Variants in FLVCR2 observed in about 807,000 individuals in gnomAD.
FLVCR2 encodes the protein choline/ethanolamine transporter FLVCR2.
A neutral mutation model predicts 48.9 loss-of-function variants in FLVCR2; 38 were observed. That is an observed-to-expected ratio of 0.78 (90% CI 0.60 to 1.02). The LOEUF (loss-of-function observed/expected upper bound fraction) is 1.02. Ranked by LOEUF, FLVCR2 falls within the 50% of genes least tolerant of loss-of-function variation. The pLI is 0.00. For synonymous variants in FLVCR2, 255 were observed against 257.0 expected, an observed-to-expected ratio of 0.99 and a Z score of 0.07; for missense variants, 664 against 663.3, an observed-to-expected ratio of 1.00 and a Z score of -0.01.
intron 1 of FLVCR2, among the ~76,000 whole-genome samples, chr14:75,612,426 C>T (rs1168410979): frequency 6.6e-6 from 1 of 152,182 alleles, no homozygotes; most frequent in Non-Finnish European, 1.5e-5. Context: ...ACCCTACTCC[C>T]TAAGTTCTTA....
rs1038388493 is a variant in FLVCR2, at chr14:75,613,802, T to C, written c.670-8277T>C. Among the ~76,000 whole-genome samples, 58 of 152,236 alleles carry C rather than the reference T, an allele frequency of 3.8e-4. 1 individual carries two copies. Among genetic ancestry groups the C allele is most frequent in the Middle Eastern group, 3.4e-3 (1 of 294 alleles). ...CTGACCTCAAATGATCCACCCACCTTGGCCTCCCAAAGTGCTGGGATTATA... is the reference window on the plus strand; with the variant it reads ...CTGACCTCAAATGATCCACCCACCTCGGCCTCCCAAAGTGCTGGGATTATA... On this transcript the variant is annotated intron_variant, in intron 1 of 9. Coordinates refer to ENST00000238667, the MANE Select transcript of FLVCR2 (RefSeq NM_017791.3).
chr14:75,641,390 G>A, intron 8 of FLVCR2, 97 bp downstream of exon 8: 1 of 794,196 alleles, frequency 1.3e-6, no homozygotes, highest in Admixed American at 1.9e-5. Flanking sequence ...TACGTAGGGG[G>A]ACAGATGGAA....
At chr14:75,628,537 G>C (rs761178149) in intron 3 of FLVCR2, among the ~76,000 whole-genome samples, 7 of 152,174 alleles carry the variant, frequency 4.6e-5, no homozygotes, top group African/African-American at 7.2e-5. Flanking sequence ...TTCATATTTA[G>C]CTCTGAATTA....
At position 75,609,557 on chromosome 14, in the gene FLVCR2, T is replaced by C. The variant is rs1889384847; in HGVS notation, c.670-12522T>C. On this transcript the variant is annotated intron_variant, in intron 1 of 9. Coordinates refer to ENST00000238667, the MANE Select transcript of FLVCR2 (RefSeq NM_017791.3). The stretch of plus-strand genomic sequence containing the variant: ...TTAGTTAACTTATGAAGTTGGCTTC[T>C]TAGGAAAAAGCTACATGGGTCCCAT... Among the ~76,000 whole-genome samples, 3 of 152,218 alleles carry C rather than the reference T, an allele frequency of 2.0e-5. No homozygotes were observed. The South Asian group carries it at 6.2e-4, about 32-fold the overall frequency.
intron 6 of FLVCR2, 168 bp from the exon 7 acceptor site, chr14:75,640,787 G>A (rs1013004291): frequency 1.3e-5 from 9 of 667,810 alleles, no homozygotes; most frequent in South Asian, 4.8e-5. Flanking sequence ...AGGGGTGCCC[G>A]TCTCCTTGGT....
At chr14:75,634,763 C>T in intron 4 of FLVCR2, 147 bp from the exon 5 acceptor site, 2 of 648,166 alleles carry the variant, frequency 3.1e-6, no homozygotes, top group Non-Finnish European at 2.8e-6. Context: ...GAATTTTCTC[C>T]TAGGCCATCT....
chr14:75,590,299 C>G (rs2140008235), intron 1 of FLVCR2, among the ~76,000 whole-genome samples: 1 of 152,360 alleles, frequency 6.6e-6, no homozygotes, highest in Middle Eastern at 3.4e-3. Flanking sequence ...GACCCAAACA[C>G]TTCCTACCAG....
chr14:75,619,079 C>G (rs1229492707), intron 1 of FLVCR2, among the ~76,000 whole-genome samples: 1 of 151,874 alleles, frequency 6.6e-6, no homozygotes, highest in Non-Finnish European at 1.5e-5. Flanking sequence ...CAAAAATTAG[C>G]CAGGCATGTT....
intron 1 of FLVCR2, among the ~76,000 whole-genome samples, chr14:75,614,664 A>G (rs569364017): frequency 9.1e-4 from 138 of 152,338 alleles, no homozygotes; most frequent in Non-Finnish European, 1.8e-3. Flanking sequence ...TAGCAAAGAC[A>G]GCTGTATTAG....
At chr14:75,605,315 C>T (rs1208967851) in intron 1 of FLVCR2, 1 of 560,314 alleles carries the variant, frequency 1.8e-6, no homozygotes, top group East Asian at 3.4e-5. Flanking sequence ...TCTTGACCTC[C>T]TGACTTCTTT....
In FLVCR2 at chr14:75,641,834, C is replaced by T; in HGVS notation, c.1454-9C>T. 6.2e-7 allele frequency: 1 copy of T among 1,612,972 alleles called. No individual in the cohort carries two copies. Among genetic ancestry groups the T allele is most frequent in the Non-Finnish European group, 8.5e-7 (1 of 1,178,924 alleles). On this transcript the variant is annotated splice_polypyrimidine_tract_variant and intron_variant, in intron 8 of 9. Transcript: ENST00000238667. ...TTGTCTCTCTTCCTTCTCAATCTAT[C>T]AACCTTAGCATTCATTAAGGCAGAT...
intron 1 of FLVCR2, among the ~76,000 whole-genome samples, chr14:75,619,484 T>TG (rs1889707799): frequency 8.1e-6 from 1 of 122,752 alleles, no homozygotes; most frequent in African/African-American, 3.3e-5. Context: ...TGCTCATCCA[T>TG]CCATCCATCC....
At chr14:75,594,015 C>G (rs951799804) in intron 1 of FLVCR2, among the ~76,000 whole-genome samples, 2 of 152,164 alleles carry the variant, frequency 1.3e-5, no homozygotes, top group African/African-American at 2.4e-5. Context: ...CAATATTTTG[C>G]TTAGAAATTT....
At chr14:75,634,579 G>A (rs1356012610) in intron 4 of FLVCR2, among the ~76,000 whole-genome samples, 2 of 152,158 alleles carry the variant, frequency 1.3e-5, no homozygotes, top group African/African-American at 4.8e-5. Flanking sequence ...TTCCCCATCT[G>A]TGAAATGGAA....
At chr14:75,590,180 A>C (rs971577733) in intron 1 of FLVCR2, among the ~76,000 whole-genome samples, 1 of 151,912 alleles carries the variant, frequency 6.6e-6, no homozygotes, top group Admixed American at 6.6e-5. Flanking sequence ...ATAACAACCC[A>C]CTCTCTTAGG....
chr14:75,591,893 A>G (rs1888892538), intron 1 of FLVCR2, among the ~76,000 whole-genome samples: 1 of 139,036 alleles, frequency 7.2e-6, no homozygotes, highest in East Asian at 2.1e-4. Context: ...AGCTCACTGT[A>G]CCTTGACCTC....
At chr14:75,641,132 T>C (rs1025547233) in intron 7 of FLVCR2, 50 bp from the exon 8 acceptor site, 1 of 1,547,200 alleles carries the variant, frequency 6.5e-7, no homozygotes, top group Non-Finnish European at 8.9e-7. Context: ...TTCTTCCTCA[T>C]GAGTTAGTTG....
intron 1 of FLVCR2, among the ~76,000 whole-genome samples, chr14:75,601,919 T>C (rs1192263615): frequency 6.6e-6 from 1 of 152,228 alleles, no homozygotes; most frequent in Non-Finnish European, 1.5e-5. Flanking sequence ...CAGCTGTGAA[T>C]TGGGGGTTCC....
chr14:75,645,917 CAAAAA>C (rs33996926), intron 9 of FLVCR2, among the ~76,000 whole-genome samples: 5 of 93,932 alleles, frequency 5.3e-5, no homozygotes, highest in Non-Finnish European at 8.4e-5. Flanking sequence ...GACTCCATCT[CAAAAA>C]AAAAAAAAAA....
Sources: gnomAD v4.1 joint callset for allele counts (sites outside exome capture counted in the v4.1 genomes callset) on GRCh38, gnomAD v4.1.1 for gene constraint, MANE v1.5 for transcripts, NCBI Gene and HGNC (gene_info 2026-07-23, HGNC 2026-07-21) for gene names.